MSI2: variants seen among roughly 807,000 people sequenced by gnomAD.
MSI2 encodes the protein RNA-binding protein Musashi homolog 2.
Under a neutral mutation model 45.6 loss-of-function variants are expected in MSI2, and 17 were observed. The ratio of observed to expected loss-of-function variants is 0.37; its 90% CI spans 0.26 to 0.56. The LOEUF (loss-of-function observed/expected upper bound fraction) is 0.56. Ranked by LOEUF, MSI2 falls within the 20% of genes least tolerant of loss-of-function variation. The probability of loss-of-function intolerance (pLI) is 0.77; values close to 1 mark genes in which losing one functional copy is unlikely to be tolerated. For missense variants in MSI2, 293 were observed against 444.2 expected, an observed-to-expected ratio of 0.66 and a Z score of 3.06; for synonymous variants, 156 against 158.2, an observed-to-expected ratio of 0.99 and a Z score of 0.11.
At chr17:57,349,011 A>G (rs1324604006) in intron 5 of MSI2, among the ~76,000 whole-genome samples, 1 of 152,206 alleles carries the variant, frequency 6.6e-6, no homozygotes. Context: ...TAAGGCTTCA[A>G]GTCCTGGCCA....
At chr17:57,595,666 A>G (rs1036720963) in intron 7 of MSI2, among the ~76,000 whole-genome samples, 4 of 151,522 alleles carry the variant, frequency 2.6e-5, no homozygotes. Context: ...ATCACCTCCC[A>G]GAGGCCTGAA....
At chr17:57,327,060 C>A (rs149945844) in intron 5 of MSI2, among the ~76,000 whole-genome samples, 43 of 152,246 alleles carry the variant, frequency 2.8e-4, no homozygotes, top group African/African-American at 9.1e-4. Flanking sequence ...CAGAAACAGA[C>A]CATCCACTGG....
At chr17:57,597,410 C>A (rs1375098114) in intron 8 of MSI2, among the ~76,000 whole-genome samples, 1 of 144,514 alleles carries the variant, frequency 6.9e-6, no homozygotes, top group Non-Finnish European at 1.5e-5. Context: ...GCAGGAAAAT[C>A]ACTTGAGGCC....
chr17:57,665,141 C>G (rs1912272968), intron 11 of MSI2, among the ~76,000 whole-genome samples: 1 of 152,180 alleles, frequency 6.6e-6, no homozygotes, highest in African/African-American at 2.4e-5. Context: ...GGCTCTCCAG[C>G]CTCCATTAGT....
intron 5 of MSI2, among the ~76,000 whole-genome samples, chr17:57,281,429 A>C (rs1909408759): frequency 6.6e-6 from 1 of 152,130 alleles, no homozygotes; most frequent in South Asian, 2.1e-4. Flanking sequence ...AAATGATGCA[A>C]AGTGAATTGT....
At chr17:57,290,186 G>T (rs1910285582) in intron 5 of MSI2, among the ~76,000 whole-genome samples, 1 of 152,214 alleles carries the variant, frequency 6.6e-6, no homozygotes, top group South Asian at 2.1e-4. Flanking sequence ...GAGAGTAATA[G>T]TACCTACTCT....
chr17:57,302,953 C>T (rs530891189), intron 5 of MSI2, among the ~76,000 whole-genome samples: 21 of 152,116 alleles, frequency 1.4e-4, no homozygotes, highest in African/African-American at 5.1e-4. Context: ...AGAAACTGGC[C>T]GAGTGAGGAG....
At chr17:57,329,685 C>T (rs1392182499) in intron 5 of MSI2, among the ~76,000 whole-genome samples, 1 of 152,134 alleles carries the variant, frequency 6.6e-6, no homozygotes, top group Non-Finnish European at 1.5e-5. Flanking sequence ...TCCCTCTTTC[C>T]CCGGTGTTTG....
intron 7 of MSI2, among the ~76,000 whole-genome samples, chr17:57,563,746 G>GCGCGCACACACACACACACACACA (rs534460755): frequency 1.1e-4 from 16 of 139,290 alleles, no homozygotes; most frequent in Non-Finnish European, 1.7e-4. Flanking sequence ...ACACAGGCGC[G>GCGCGCACACACACACACACACACA]CACACACACA....
chr17:57,623,773 A>G (rs11079315), intron 9 of MSI2, among the ~76,000 whole-genome samples: 104,051 of 152,158 alleles, frequency 0.68, 37,045 homozygotes, highest in East Asian at 0.89. Flanking sequence ...GTAATGTGCT[A>G]TTGATATGCA....
intron 5 of MSI2, among the ~76,000 whole-genome samples, chr17:57,333,302 T>C (rs1567762754): frequency 6.6e-6 from 1 of 152,174 alleles, no homozygotes; most frequent in Non-Finnish European, 1.5e-5. Flanking sequence ...TGACTACTTT[T>C]TGGAATTATT....
intron 2 of MSI2, 80 bp downstream of exon 2, chr17:57,257,218 C>G (rs1210719356): frequency 3.7e-5 from 4 of 107,380 alleles, no homozygotes; most frequent in African/African-American, 1.1e-4. Context: ...GTGTAGGAGC[C>G]CCCCCCCCCC....
At chr17:57,488,351 A>G (rs558936036) in intron 6 of MSI2, among the ~76,000 whole-genome samples, 37 of 152,348 alleles carry the variant, frequency 2.4e-4, no homozygotes, top group Admixed American at 1.2e-3. Context: ...GAAATTTCCT[A>G]TCCTTGGGCA....
At chr17:57,328,324 T>TCCATCCAC (rs5821174) in intron 5 of MSI2, among the ~76,000 whole-genome samples, 47,206 of 151,436 alleles carry the variant, frequency 0.31, 11,078 homozygotes, top group African/African-American at 0.66. Flanking sequence ...TATCCATCCA[T>TCCATCCAC]CCATCCATGC....
intron 7 of MSI2, among the ~76,000 whole-genome samples, chr17:57,547,298 A>T (rs1018837156): frequency 6.6e-6 from 1 of 152,146 alleles, no homozygotes; most frequent in African/African-American, 2.4e-5. Flanking sequence ...CCTCAGGAGG[A>T]GGTCAGAAGG....
chr17:57,447,460 AC>A (rs893644340), intron 6 of MSI2, among the ~76,000 whole-genome samples: 6 of 151,902 alleles, frequency 3.9e-5, no homozygotes, highest in African/African-American at 1.2e-4. Context: ...GATAGGGGGG[AC>A]CAGTTGTGGA....
chr17:57,322,744 G>A (rs111282449), intron 5 of MSI2, among the ~76,000 whole-genome samples: 5,375 of 152,262 alleles, frequency 0.035, 144 homozygotes, highest in Middle Eastern at 0.058. Context: ...AAAGGCTCTT[G>A]TTGACAGCAG....
intron 6 of MSI2, among the ~76,000 whole-genome samples, chr17:57,508,658 G>A (rs1202008624): frequency 6.6e-6 from 1 of 152,166 alleles, no homozygotes; most frequent in Non-Finnish European, 1.5e-5. Flanking sequence ...TGATGTTTTG[G>A]TTCAGATGCC....
intron 6 of MSI2, among the ~76,000 whole-genome samples, chr17:57,489,137 A>C (rs2085815300): frequency 6.6e-6 from 1 of 152,214 alleles, no homozygotes; most frequent in African/African-American, 2.4e-5. Context: ...AGACTTCCGC[A>C]AGCCACGTGC....
Sources: allele counts gnomAD v4.1 joint callset (sites outside exome capture counted in the v4.1 genomes callset), GRCh38; gene constraint gnomAD v4.1.1; transcripts MANE v1.5; gene names NCBI Gene and HGNC (gene_info 2026-07-23, HGNC 2026-07-21).